Variants in CARD6 observed in about 807,000 individuals in gnomAD.
The protein encoded by CARD6 is caspase recruitment domain family member 6, also known as caspase recruitment domain-containing protein 6.
Under a neutral mutation model 23.6 loss-of-function variants are expected in CARD6, and 27 were observed. That is an observed-to-expected ratio of 1.14 (90% confidence interval 0.84 to 1.58). The LOEUF (loss-of-function observed/expected upper bound fraction) is 1.58. CARD6 is among the 40% of genes most tolerant of loss of function. The pLI, the probability that CARD6 is intolerant of heterozygous loss-of-function variation, is 0.00. For synonymous variants in CARD6, 397 were observed against 431.8 expected (o/e 0.92, Z 1.00); for missense variants, 1,214 against 1,209.9 (o/e 1.00, Z -0.05).
Position 40,841,783 on chromosome 5 carries a change from AT to A in CARD6, c.283+122del, listed in dbSNP as rs1284994812. On this transcript the variant is annotated intron_variant, in intron 1 of 2. Transcript: ENST00000254691. ...TTTTGTTAGTCTTTTTCTGGAGATA[AT>A]TTTCATTGAAATATGAAATAGGGAA... The A allele has an allele frequency of 4.3e-5, 37 of 863,350 alleles. No individual in the cohort carries two copies. In the Middle Eastern group the frequency reaches 1.3e-3, roughly 29 times the overall value. The allele number at this position is 863,350 out of a possible 1,614,324, so 53.5% of individuals were successfully genotyped here.
chr5:40,854,560 CA>C lies in CARD6; in HGVS notation c.*117del, dbSNP rs1448890239. 3.6e-5 allele frequency: 30 copies of C among 838,288 alleles called. No individual in the cohort carries two copies. Among genetic ancestry groups the C allele is most frequent in the Non-Finnish European group, 2.1e-5 (11 of 525,632 alleles). The allele number at this position is 838,288 out of a possible 1,614,324, so 51.9% of individuals were successfully genotyped here. A position where few individuals can be genotyped will look rare whatever the true frequency, so the allele number is the denominator to read the frequency against. ...AGACTACTGTCATTAGCATGTAAAA[CA>C]AAGAAAGATATACATGACTGAATTG... On this transcript the variant is annotated 3_prime_UTR_variant, in exon 3 of 3. Coordinates refer to ENST00000254691, the MANE Select transcript of CARD6 (RefSeq NM_032587.4).
At position 40,841,400 on chromosome 5, in the gene CARD6, T is replaced by C; in HGVS notation, c.18T>C (p.Thr6=). The change falls in exon 1 of 3, where the codon ACT becomes ACC. Residue 6 remains threonine, a synonymous_variant. Coordinates refer to ENST00000254691, the MANE Select transcript of CARD6 (RefSeq NM_032587.4). ...CAGGAACAATGGCTACCGAGAGTAC[T>C]CCCTCAGAGATCATAGAAAGAGAAA... is the stretch of plus-strand genomic sequence containing the variant. MATES[T]PSEIIERERK... 6.2e-7 allele frequency: 1 copy of C among 1,605,072 alleles called. No individual in the cohort carries two copies. Among genetic ancestry groups the C allele is most frequent in the Non-Finnish European group, 8.5e-7 (1 of 1,176,792 alleles).
At chr5:40,845,066 C>T (rs1182506772) in intron 2 of CARD6, among the ~76,000 whole-genome samples, 3 of 152,164 alleles carry the variant, frequency 2.0e-5, no homozygotes, top group Non-Finnish European at 2.9e-5. Flanking sequence ...CGAGGTTACA[C>T]CATGTTGGCC....
At position 40,854,316 on chromosome 5, in the gene CARD6, G is replaced by A; in HGVS notation, c.2984G>A (p.Ser995Asn). ...SPCKSTQPKPSQPWPPQSKPS... is the reference protein window; with the variant it reads ...SPCKSTQPKPNQPWPPQSKPS... ...TGCAAATCTACTCAGCCTAAGCCAA[G>A]CCAGCCCTGGCCTCCCCAGTCTAAG... The change falls in exon 3 of 3, where the codon AGC (serine) becomes AAC (asparagine). Residue 995 changes from serine (S) to asparagine (N), a missense_variant. Ser to Asn is a conservative substitution (Grantham distance 46, BLOSUM62 1). Coordinates refer to ENST00000254691, the MANE Select transcript of CARD6 (RefSeq NM_032587.4). 1 of 1,614,066 alleles carries A rather than the reference G, an allele frequency of 6.2e-7. No homozygotes were observed. The highest frequency in any genetic ancestry group is 8.5e-7 in the Non-Finnish European group (1 of 1,180,012).
At position 40,852,478 on chromosome 5, in the gene CARD6, C is replaced by T. The variant is rs1579806039; in HGVS notation, c.1146C>T (p.Thr382=). The T allele has an allele frequency of 6.2e-7, 1 of 1,614,036 alleles. No individual in the cohort carries two copies. The highest frequency in any genetic ancestry group is 1.3e-5 in the African/African-American group (1 of 74,908). ...TINPLDVLCA[T]MLCSDSSLQR... ...ATCCCCTTGACGTGCTTTGTGCCAC[C>T]ATGCTGTGTTCAGATAGCTCTTTGC... is the stretch of plus-strand genomic sequence containing the variant. The change falls in exon 3 of 3, where the codon ACC becomes ACT. Residue 382 remains threonine (T), a synonymous_variant. Transcript: ENST00000254691.
At chr5:40,844,868 CT>C (rs761641223) in intron 2 of CARD6, among the ~76,000 whole-genome samples, 3,136 of 134,468 alleles carry the variant, frequency 0.023, 24 homozygotes, top group Middle Eastern at 0.047. Context: ...TTGCTTCCTT[CT>C]TTTTTTTTTT....
At chr5:40,846,667 C>G (rs1745972694) in intron 2 of CARD6, among the ~76,000 whole-genome samples, 1 of 152,072 alleles carries the variant, frequency 6.6e-6, no homozygotes, top group African/African-American at 2.4e-5. Flanking sequence ...CCATTTTCTC[C>G]CTGTGTCTCT....
chr5:40,851,774 C>G (rs544536714), intron 2 of CARD6, among the ~76,000 whole-genome samples: 1 of 152,080 alleles, frequency 6.6e-6, no homozygotes, highest in Non-Finnish European at 1.5e-5. Context: ...TGAGATGGCT[C>G]CATTGCACTC....
In CARD6 at chr5:40,854,667, C is replaced by T. The variant is rs541951766; in HGVS notation, c.*221C>T. 228 of 496,566 alleles carry T rather than the reference C, an allele frequency of 4.6e-4. No homozygotes were observed. The highest frequency in any genetic ancestry group is 7.2e-4 in the Non-Finnish European group (201 of 277,848). 30.8% of individuals were successfully genotyped at this position (496,566 alleles called of 1,614,324 possible). A position where few individuals can be genotyped will look rare whatever the true frequency, so the allele number is the denominator to read the frequency against. ...GTGCAATGGCACGATCTCGGCTCAC[C>T]GCAACCTCTGCTTCCTGGCTTAAAG... On this transcript the variant is annotated 3_prime_UTR_variant, in exon 3 of 3. Transcript: ENST00000254691.
At position 40,852,991 on chromosome 5, in the gene CARD6, G is replaced by GT. The variant is rs762055186; in HGVS notation, c.1667dup (p.Thr557HisfsTer2). 2.4e-4 allele frequency: 381 copies of GT among 1,613,874 alleles called. 1 individual carries two copies. Among genetic ancestry groups the GT allele is most frequent in the Middle Eastern group, 3.3e-4 (2 of 6,062 alleles). Reference sequence around the variant, plus strand: ...TTTTGATGGAAGTTTCTTCAGCTGTGTTTTTTTTCACTGACTGTTTAGGTG... The same window carrying GT: ...TTTTGATGGAAGTTTCTTCAGCTGTGTTTTTTTTTCACTGACTGTTTAGGTG... On this transcript the variant is annotated frameshift_variant, in exon 3 of 3. Coordinates refer to ENST00000254691, the MANE Select transcript of CARD6 (RefSeq NM_032587.4). LOFTEE classifies it low-confidence loss of function (END_TRUNC).
At chr5:40,849,216 C>T (rs1746017522) in intron 2 of CARD6, among the ~76,000 whole-genome samples, 2 of 152,040 alleles carry the variant, frequency 1.3e-5, no homozygotes, top group Admixed American at 6.6e-5. Flanking sequence ...AGGCTGGTCT[C>T]GAACTCCTGA....
intron 1 of CARD6, among the ~76,000 whole-genome samples, chr5:40,841,936 C>G (rs1055034481): frequency 6.6e-6 from 1 of 152,128 alleles, no homozygotes; most frequent in Non-Finnish European, 1.5e-5. Context: ...ATTATTCTGG[C>G]AGTAACATGC....
rs756049555 is a variant in CARD6, at chr5:40,843,576, A to G, written c.708A>G (p.Pro236=). The G allele has an allele frequency of 1.2e-6, 2 of 1,611,168 alleles. No homozygotes were observed. Among genetic ancestry groups the G allele is most frequent in the African/African-American group, 1.3e-5 (1 of 74,782 alleles). ...TGGAAGAGGAGGTTTATGATGACCC[A>G]GAGCACGTTGGATATGATGGTGAAG... The part of the protein sequence containing the change: ...ATVEEEVYDD[P]EHVGYDGEED... The change falls in exon 2 of 3, where the codon CCA becomes CCG. Residue 236 remains proline, a synonymous_variant. Coordinates refer to ENST00000254691, the MANE Select transcript of CARD6 (RefSeq NM_032587.4).
intron 2 of CARD6, among the ~76,000 whole-genome samples, chr5:40,844,868 CTTTTTTTTT>C (rs761641223): frequency 7.4e-6 from 1 of 134,510 alleles, no homozygotes; most frequent in Non-Finnish European, 1.6e-5. Flanking sequence ...TTGCTTCCTT[CTTTTTTTTT>C]TTTTTTTTTT....
intron 1 of CARD6, 90 bp from the exon 2 acceptor site, chr5:40,843,062 G>T: frequency 1.3e-6 from 1 of 791,720 alleles, no homozygotes; most frequent in Admixed American, 2.6e-5. Context: ...ATAAATAAAA[G>T]GAGAGGGATG....
At position 40,854,164 on chromosome 5, in the gene CARD6, C is replaced by T. The variant is rs756642764; in HGVS notation, c.2832C>T (p.Ser944=). The stretch of plus-strand genomic sequence containing the variant: ...TGTGCAAGAGCTCTCAGTTCAAATC[C>T]GATCAGTCCAACCCATCCACAGTCA... The part of the protein sequence containing the change: ...HPMCKSSQFK[S]DQSNPSTVKH... The change falls in exon 3 of 3, where the codon TCC becomes TCT. Residue 944 remains serine (S), a synonymous_variant. Coordinates refer to ENST00000254691, the MANE Select transcript of CARD6 (RefSeq NM_032587.4). 2.7e-5 allele frequency: 43 copies of T among 1,614,048 alleles called. No homozygotes were observed. Among genetic ancestry groups the T allele is most frequent in the African/African-American group, 4.0e-5 (3 of 74,914 alleles).
chr5:40,850,434 G>T (rs1212128353), intron 2 of CARD6, among the ~76,000 whole-genome samples: 1 of 23,166 alleles, frequency 4.3e-5, no homozygotes, highest in Non-Finnish European at 9.2e-5. Context: ...AAAAAAAAAA[G>T]CCAGGCACAG....
In CARD6 at chr5:40,853,938, A is replaced by G. The variant is rs1746136739; in HGVS notation, c.2606A>G (p.Gln869Arg). The G allele has an allele frequency of 4.3e-6, 7 of 1,614,202 alleles. No homozygotes were observed. The East Asian group carries it at 1.6e-4, about 36-fold the overall frequency. Residue 869 changes from glutamine (Q) to arginine (R), a missense_variant, in exon 3 of 3, where the codon CAG (glutamine) becomes CGG (arginine). Gln to Arg is a conservative substitution (Grantham distance 43). Coordinates refer to ENST00000254691, the MANE Select transcript of CARD6 (RefSeq NM_032587.4). ...PARAVGKPWP[Q>R]QACTRVTELT... ...AGAGCAGTAGGGAAGCCATGGCCTCAGCAAGCTTGCACCAGGGTAACAGAG... is the reference window on the plus strand; with the variant it reads ...AGAGCAGTAGGGAAGCCATGGCCTCGGCAAGCTTGCACCAGGGTAACAGAG...
Position 40,852,858 on chromosome 5 carries a change from G to A in CARD6, c.1526G>A (p.Trp509Ter). ...TCTGATGGCCTGGTTGAGATAACATGGTGTTTTCCTGATAGCGATGATAGA... is the reference window on the plus strand; with the variant it reads ...TCTGATGGCCTGGTTGAGATAACATAGTGTTTTCCTGATAGCGATGATAGA... Reference protein sequence around the residue: ...QISDGLVEITWCFPDSDDRKE... With the variant: ...QISDGLVEIT Residue 509 changes from tryptophan to a stop codon, truncating the protein, a stop_gained, in exon 3 of 3, where the codon TGG (tryptophan) becomes TAG (stop). Transcript: ENST00000254691. LOFTEE classifies it low-confidence loss of function (END_TRUNC). 6.2e-7 allele frequency: 1 copy of A among 1,613,980 alleles called. No individual in the cohort carries two copies. Among genetic ancestry groups the A allele is most frequent in the African/African-American group, 1.3e-5 (1 of 75,002 alleles).
Sources: gnomAD v4.1 joint callset for allele counts (sites outside exome capture counted in the v4.1 genomes callset) on GRCh38, gnomAD v4.1.1 for gene constraint, MANE v1.5 for transcripts, NCBI Gene and HGNC (gene_info 2026-07-23, HGNC 2026-07-21) for gene names.